Variants in PDE7A observed in about 807,000 individuals in gnomAD.
PDE7A encodes the protein phosphodiesterase 7A.
A neutral mutation model predicts 64.3 loss-of-function variants in PDE7A; 39 were observed. The ratio of observed to expected loss-of-function variants is 0.61; its 90% confidence interval spans 0.47 to 0.79. The LOEUF (loss-of-function observed/expected upper bound fraction) is 0.79. Ranked by LOEUF, PDE7A falls within the 30% of genes least tolerant of loss-of-function variation. The probability of loss-of-function intolerance (pLI) is 0.00; values close to 1 mark genes in which losing one functional copy is unlikely to be tolerated. For synonymous variants in PDE7A, 203 were observed against 206.8 expected, an observed-to-expected ratio of 0.98 and a Z score of 0.16; for missense variants, 470 against 582.8, an observed-to-expected ratio of 0.81 and a Z score of 1.99.
intron 11 of PDE7A, 76 bp downstream of exon 11, chr8:65,724,179 T>A (rs1402305154): frequency 1.1e-6 from 1 of 871,992 alleles, no homozygotes; most frequent in African/African-American, 1.7e-5. Flanking sequence ...ATATAAATTA[T>A]TGAGTTATTT....
Position 65,719,216 on chromosome 8 carries a change from TTCTC to T in PDE7A, c.*70_*73del. The T allele has an allele frequency of 1.0e-6, 1 of 979,824 alleles. No homozygotes were observed. Among genetic ancestry groups the T allele is most frequent in the South Asian group, 1.3e-5 (1 of 75,296 alleles). 60.7% of individuals were successfully genotyped at this position (979,824 alleles called of 1,614,324 possible). ...GAAACCTTGGCAGTCAAGAGTTAAG[TTCTC>T]TCACCTCAAGACCCCATTTCACATT... On this transcript the variant is annotated 3_prime_UTR_variant, in exon 13 of 13. Coordinates refer to ENST00000401827, the MANE Select transcript of PDE7A (RefSeq NM_001242318.3).
intron 1 of PDE7A, chr8:65,788,773 C>A: frequency 3.0e-6 from 2 of 676,668 alleles, no homozygotes; most frequent in South Asian, 2.2e-5. Flanking sequence ...CTCTTTTAAT[C>A]AGAGAATAAA....
At chr8:65,743,430 T>C (rs1178479018) in intron 5 of PDE7A, among the ~76,000 whole-genome samples, 3 of 151,928 alleles carry the variant, frequency 2.0e-5, no homozygotes, top group South Asian at 2.1e-4. Flanking sequence ...AGAAGAGAGA[T>C]AGCGAAGGGG....
chr8:65,759,442 T>TGCAGGCATATGGGCCATATCCCC, intron 3 of PDE7A, among the ~76,000 whole-genome samples: 1 of 152,202 alleles, frequency 6.6e-6, no homozygotes, highest in South Asian at 2.1e-4. Flanking sequence ...AGCCAGATAC[T>TGCAGGCATATGGGCCATATCCCC]GCAGGCATAT....
intron 1 of PDE7A, among the ~76,000 whole-genome samples, chr8:65,822,272 C>T (rs1810560677): frequency 6.6e-6 from 1 of 152,176 alleles, no homozygotes; most frequent in South Asian, 2.1e-4. Flanking sequence ...TATACCACTT[C>T]AAGAAGTGCT....
At chr8:65,835,849 C>T (rs1021161716) in intron 1 of PDE7A, among the ~76,000 whole-genome samples, 1 of 152,192 alleles carries the variant, frequency 6.6e-6, no homozygotes, top group South Asian at 2.1e-4. Context: ...ATCTCCTAGA[C>T]TGAATGTGTT....
Position 65,734,913 on chromosome 8 carries a change from T to A in PDE7A, c.596-19A>T. On this transcript the variant is annotated intron_variant, in intron 6 of 12. Transcript: ENST00000401827. ...ATCATAACTGCATCAAAGAAAGAGA[T>A]CCCGATTTTATTGTATATGAGCAAC... is the stretch of plus-strand genomic sequence containing the variant. The A allele has an allele frequency of 2.0e-6, 3 of 1,489,868 alleles. No individual in the cohort carries two copies. Among genetic ancestry groups the A allele is most frequent in the Non-Finnish European group, 2.8e-6 (3 of 1,067,292 alleles). 92.3% of individuals were successfully genotyped at this position (1,489,868 alleles called of 1,614,324 possible).
intron 3 of PDE7A, among the ~76,000 whole-genome samples, chr8:65,774,256 G>A (rs1266118864): frequency 6.6e-6 from 1 of 151,944 alleles, no homozygotes; most frequent in African/African-American, 2.4e-5. Flanking sequence ...TCGTGCTGTT[G>A]GAAATCCTCA....
rs1002908460 is a variant in PDE7A at position 65,837,969 on chromosome 8, A to G, written c.138+3402T>C. Among the ~76,000 whole-genome samples, 3 of 152,138 alleles carry G rather than the reference A, an allele frequency of 2.0e-5. No homozygotes were observed. In the South Asian group the frequency reaches 6.2e-4, roughly 32 times the overall value. ...AATTCTTTACATTTTCTCAACGCAT[A>G]ACACAAGGAGCCTCACTCACAAGAA... On this transcript the variant is annotated intron_variant, in intron 1 of 12. Transcript: ENST00000401827.
rs756877414 is a variant in PDE7A at position 65,724,850 on chromosome 8, G to A, written c.992C>T (p.Ser331Phe). The A allele has an allele frequency of 6.2e-7, 1 of 1,611,144 alleles. No individual in the cohort carries two copies. The highest frequency in any genetic ancestry group is 2.2e-5 in the East Asian group (1 of 44,756). The change falls in exon 10 of 13, where the codon TCT (serine) becomes TTT (phenylalanine). Residue 331 changes from serine to phenylalanine, a missense_variant. Coordinates refer to ENST00000401827, the MANE Select transcript of PDE7A (RefSeq NM_001242318.3). ...TCTATCCAAATGGGACCTAAACAAA[G>A]ACAGATACTCATTCTGGCGACTGAT... is the stretch of plus-strand genomic sequence containing the variant. ...TDISRQNEYL[S>F]LFRSHLDRGD...
rs1004533134 is a variant in PDE7A at position 65,762,413 on chromosome 8, C to T, written c.284-14610G>A. Among the ~76,000 whole-genome samples, 4 of 152,116 alleles carry T rather than the reference C, an allele frequency of 2.6e-5. No individual in the cohort carries two copies. In the East Asian group the frequency reaches 5.8e-4, roughly 22 times the overall value. ...AGCAATGGTCATTAGTAGAGCAGCA[C>T]GTGCTGACATGGAGAGGCAGAGCAG... On this transcript the variant is annotated intron_variant, in intron 3 of 12. Coordinates refer to ENST00000401827, the MANE Select transcript of PDE7A (RefSeq NM_001242318.3).
In PDE7A at chr8:65,715,121, A is replaced by C. The variant is rs764280009; in HGVS notation, c.*4169T>G. Among the ~76,000 whole-genome samples the C allele has an allele frequency of 3.5e-4, 53 of 152,318 alleles. No individual in the cohort carries two copies. Among genetic ancestry groups the C allele is most frequent in the Non-Finnish European group, 6.2e-4 (42 of 68,016 alleles). ...GAAAATTTTTAGTCTCCCATGTAAA[A>C]TAAATTTTGCATTCTGTTCTGTAAT... is the stretch of plus-strand genomic sequence containing the variant. On this transcript the variant is annotated 3_prime_UTR_variant, in exon 13 of 13. Coordinates refer to ENST00000401827, the MANE Select transcript of PDE7A (RefSeq NM_001242318.3).
chr8:65,762,675 CATT>C (rs1254867682), intron 3 of PDE7A, among the ~76,000 whole-genome samples: 2 of 152,082 alleles, frequency 1.3e-5, no homozygotes, highest in African/African-American at 4.8e-5. Context: ...TAGACATGGT[CATT>C]ATTATGAATA....
chr8:65,828,460 A>C lies in PDE7A; in HGVS notation c.138+12911T>G, dbSNP rs910732180. Among the ~76,000 whole-genome samples, 126 of 152,284 alleles carry C rather than the reference A, an allele frequency of 8.3e-4. 1 individual carries two copies. The highest frequency in any genetic ancestry group is 2.9e-3 in the Admixed American group (44 of 15,274). ...TGGATACAGAGTTTTCTGTTGAATT[A>C]AAATACCCATAATTTATCCAATCCC... is the stretch of plus-strand genomic sequence containing the variant. On this transcript the variant is annotated intron_variant, in intron 1 of 12. Coordinates refer to ENST00000401827, the MANE Select transcript of PDE7A (RefSeq NM_001242318.3).
rs141609428 is a variant in PDE7A, at chr8:65,803,636, C to A, written c.139-20793G>T. Among the ~76,000 whole-genome samples, 558 of 152,282 alleles carry A rather than the reference C, an allele frequency of 3.7e-3. 4 individuals are homozygous for A. Among genetic ancestry groups the A allele is most frequent in the African/African-American group, 0.013 (526 of 41,566 alleles). On this transcript the variant is annotated intron_variant, in intron 1 of 12. Transcript: ENST00000401827. ...TGGCAAAATAGTTTGCACACACCCA[C>A]AAGATAGGCCTTTTTCTTCTGGTAT...
intron 1 of PDE7A, among the ~76,000 whole-genome samples, chr8:65,788,095 A>C (rs972064612): frequency 6.6e-6 from 1 of 152,190 alleles, no homozygotes. Context: ...TTGCTTGAGA[A>C]AGAAAATTAA....
chr8:65,817,309 AAC>A (rs1229805963), intron 1 of PDE7A, among the ~76,000 whole-genome samples: 2 of 152,218 alleles, frequency 1.3e-5, no homozygotes, highest in South Asian at 2.1e-4. Context: ...CATATACATA[AAC>A]ACACATCTAC....
intron 1 of PDE7A, among the ~76,000 whole-genome samples, chr8:65,810,765 T>C (rs950144923): frequency 3.3e-5 from 5 of 152,138 alleles, no homozygotes; most frequent in South Asian, 4.1e-4. Context: ...TATTCAAACA[T>C]ATTTTAAGAA....
chr8:65,758,306 T>C (rs1375521202), intron 3 of PDE7A, among the ~76,000 whole-genome samples: 2 of 152,220 alleles, frequency 1.3e-5, no homozygotes, highest in Admixed American at 6.5e-5. Flanking sequence ...AATACAGTTA[T>C]ACTTTCTTGC....
Sources: allele counts gnomAD v4.1 joint callset (sites outside exome capture counted in the v4.1 genomes callset), GRCh38; gene constraint gnomAD v4.1.1; transcripts MANE v1.5; gene names NCBI Gene and HGNC (gene_info 2026-07-23, HGNC 2026-07-21).